CUX2: variants seen among roughly 807,000 people sequenced by gnomAD.
The protein encoded by CUX2 is homeobox protein cut-like 2.
CUX2 carries 40 observed loss-of-function variants against 144.8 expected under a neutral mutation model. That is an observed-to-expected ratio of 0.28 (90% CI 0.21 to 0.36). The LOEUF is 0.36. CUX2 is among the 10% of genes least tolerant of loss of function. The pLI, the probability that CUX2 is intolerant of heterozygous loss-of-function variation, is 1.00. For missense variants in CUX2, 1,615 were observed against 1,994.0 expected, an observed-to-expected ratio of 0.81 and a Z score of 3.62; for synonymous variants, 827 against 875.6, an observed-to-expected ratio of 0.94 and a Z score of 0.98.
chr12:111,333,263 G>A (rs1316420425), intron 18 of CUX2, among the ~76,000 whole-genome samples: 1 of 151,796 alleles, frequency 6.6e-6, no homozygotes, highest in African/African-American at 2.4e-5. Context: ...GCACACCTGT[G>A]GTCCGAGCTG....
At chr12:111,182,456 T>C (rs1339578024) in intron 1 of CUX2, among the ~76,000 whole-genome samples, 4 of 152,236 alleles carry the variant, frequency 2.6e-5, no homozygotes. Context: ...AGTTGATCCG[T>C]CTTCTCAGAG....
At chr12:111,257,664 C>T (rs1158863811) in intron 3 of CUX2, among the ~76,000 whole-genome samples, 1 of 135,066 alleles carries the variant, frequency 7.4e-6, no homozygotes, top group Non-Finnish European at 1.6e-5. Flanking sequence ...CTCCTCCTCC[C>T]TCTTCCCCCC....
chr12:111,101,058 T>G (rs180930538), intron 1 of CUX2, among the ~76,000 whole-genome samples: 1 of 152,336 alleles, frequency 6.6e-6, no homozygotes, highest in East Asian at 1.9e-4. Context: ...CTTCTGTAGC[T>G]TGGGCGATAA....
intron 20 of CUX2, chr12:111,339,740 G>GTGA (rs1489858026): frequency 3.3e-5 from 5 of 152,274 alleles, no homozygotes; most frequent in African/African-American, 1.2e-4. Flanking sequence ...GGCAGGTCGT[G>GTGA]TGATGACCCA....
rs572243422 is a variant in CUX2, at chr12:111,293,400, G to A, written c.437-46G>A. 75 of 1,571,178 alleles carry A rather than the reference G, an allele frequency of 4.8e-5. No homozygotes were observed. Among genetic ancestry groups the A allele is most frequent in the Non-Finnish European group, 6.0e-5 (70 of 1,159,924 alleles). Reference sequence around the variant, plus strand: ...TACAGAAAGCGGCTCTGGCTGCCACGTTGCTCTCTTGGCAATGGGGGTTTT... The same window carrying A: ...TACAGAAAGCGGCTCTGGCTGCCACATTGCTCTCTTGGCAATGGGGGTTTT... On this transcript the variant is annotated intron_variant, in intron 5 of 21. Coordinates refer to ENST00000261726, the MANE Select transcript of CUX2 (RefSeq NM_015267.4). This position sits in a 1 kb window ranked among gnomAD's most constrained non-coding sequence, Gnocchi z 4.5.
In CUX2 at chr12:111,320,724, C is replaced by A. The variant is rs760421808; in HGVS notation, c.2715C>A (p.Val905=). Reference sequence around the variant, plus strand: ...ACACGCTGGAGCTCACCCGCCAGGTCAAGGAGAAGCTGGCCAAGAACGGCA... The same window carrying A: ...ACACGCTGGAGCTCACCCGCCAGGTAAAGGAGAAGCTGGCCAAGAACGGCA... ...EVDTLELTRQ[V]KEKLAKNGIC... Residue 905 remains valine (V), a synonymous_variant, in exon 17 of 22, where the codon GTC becomes GTA. Transcript: ENST00000261726. This position sits in a 1 kb window ranked among gnomAD's most constrained non-coding sequence, Gnocchi z 8.1. The A allele has an allele frequency of 6.3e-7, 1 of 1,586,300 alleles. No homozygotes were observed. The highest frequency in any genetic ancestry group is 8.5e-7 in the Non-Finnish European group (1 of 1,173,824).
intron 1 of CUX2, among the ~76,000 whole-genome samples, chr12:111,136,029 G>A (rs898279105): frequency 6.6e-5 from 10 of 152,112 alleles, no homozygotes; most frequent in Non-Finnish European, 8.8e-5. Context: ...TGCGGGGCCC[G>A]GGTGAGGACT....
Position 111,322,556 on chromosome 12 carries a change from G to A in CUX2, c.2902G>A (p.Gly968Ser). Reference sequence around the variant, plus strand: ...CTCTGACCAGCTCGGCCAGGCAGTGGGCCAGCAGCCTGGTGCCTCCCAGGG... The same window carrying A: ...CTCTGACCAGCTCGGCCAGGCAGTGAGCCAGCAGCCTGGTGCCTCCCAGGG... ...WLSDQLGQAV[G>S]QQPGASQASP... The change falls in exon 18 of 22, where the codon GGC (glycine) becomes AGC (serine). Residue 968 changes from glycine (G) to serine (S), a missense_variant. Coordinates refer to ENST00000261726, the MANE Select transcript of CUX2 (RefSeq NM_015267.4). The surrounding 1 kb of genome is among the most constrained non-coding windows in gnomAD (Gnocchi z 4.2). 6.2e-7 allele frequency: 1 copy of A among 1,609,740 alleles called. No individual in the cohort carries two copies. Among genetic ancestry groups the A allele is most frequent in the Non-Finnish European group, 8.5e-7 (1 of 1,179,646 alleles).
chr12:111,073,803 A>T (rs1449528978), intron 1 of CUX2, among the ~76,000 whole-genome samples: 1 of 151,896 alleles, frequency 6.6e-6, no homozygotes, highest in African/African-American at 2.4e-5. Context: ...CTATGAGAAA[A>T]TTTAAAAATT....
chr12:111,074,041 T>C (rs1871384736), intron 1 of CUX2, among the ~76,000 whole-genome samples: 1 of 147,592 alleles, frequency 6.8e-6, no homozygotes, highest in Admixed American at 6.7e-5. Context: ...ATACTTATAC[T>C]AAAAAAAAAA....
chr12:111,296,572 C>T lies in CUX2; in HGVS notation c.704+33C>T, dbSNP rs760320416. 1.1e-5 allele frequency: 17 copies of T among 1,585,126 alleles called. No homozygotes were observed. The South Asian group carries it at 1.9e-4, about 18-fold the overall frequency. The stretch of plus-strand genomic sequence containing the variant: ...AGCCCTGCTGAGGTGTACCTCCTCC[C>T]TTGGAGGCCTCCCAGACAGGCCTCC... On this transcript the variant is annotated intron_variant, in intron 8 of 21. Coordinates refer to ENST00000261726, the MANE Select transcript of CUX2 (RefSeq NM_015267.4).
intron 1 of CUX2, among the ~76,000 whole-genome samples, chr12:111,040,194 G>A (rs560606062): frequency 2.0e-5 from 3 of 152,058 alleles, no homozygotes; most frequent in African/African-American, 7.2e-5. Flanking sequence ...GGCTGAGGTG[G>A]GAGGATTGCT....
At chr12:111,071,133 T>TA (rs1232575758) in intron 1 of CUX2, among the ~76,000 whole-genome samples, 1 of 150,496 alleles carries the variant, frequency 6.6e-6, no homozygotes, top group Non-Finnish European at 1.5e-5. Context: ...TTTGGGTAAA[T>TA]ATGAAGGAAC....
At chr12:111,299,625 C>G (rs1027374240) in intron 9 of CUX2, among the ~76,000 whole-genome samples, 3 of 152,192 alleles carry the variant, frequency 2.0e-5, no homozygotes, top group African/African-American at 4.8e-5. Context: ...CTTCCCTGAG[C>G]TTAGGTCCAG....
chr12:111,120,808 G>C (rs748367978), intron 1 of CUX2, among the ~76,000 whole-genome samples: 4 of 152,148 alleles, frequency 2.6e-5, no homozygotes, highest in African/African-American at 9.7e-5. Context: ...TGCGGGAAAC[G>C]TGTTTGTGCT....
At chr12:111,316,680 G>A (rs947690767) in intron 16 of CUX2, among the ~76,000 whole-genome samples, 3 of 151,566 alleles carry the variant, frequency 2.0e-5, no homozygotes, top group Admixed American at 6.6e-5. Context: ...AAATTCCTGA[G>A]GTCAAGTGAT....
At chr12:111,108,925 GA>G (rs1326489036) in intron 1 of CUX2, among the ~76,000 whole-genome samples, 1 of 152,182 alleles carries the variant, frequency 6.6e-6, no homozygotes, top group Non-Finnish European at 1.5e-5. Context: ...GGCTTGATCA[GA>G]TGCCAGATTG....
chr12:111,151,650 G>A (rs1267869061), intron 1 of CUX2, among the ~76,000 whole-genome samples: 1 of 152,098 alleles, frequency 6.6e-6, no homozygotes, highest in East Asian at 1.9e-4. Context: ...ACTTAGGGGC[G>A]GTGGACTGTG....
rs1233530851 is a variant in CUX2 at position 111,034,464 on chromosome 12, T to C, written c.63+224T>C. On this transcript the variant is annotated intron_variant, in intron 1 of 21. Coordinates refer to ENST00000261726, the MANE Select transcript of CUX2 (RefSeq NM_015267.4). The surrounding 1 kb of genome is among the most constrained non-coding windows in gnomAD (Gnocchi z 4.2). ...AGTCATCGATTAGCTGCCGCGACCA[T>C]GGAGAAGCGCTAGTGAGCCCTCGGT... is the stretch of plus-strand genomic sequence containing the variant. Among the ~76,000 whole-genome samples, 1 of 151,396 alleles carries C rather than the reference T, an allele frequency of 6.6e-6. No individual in the cohort carries two copies. Among genetic ancestry groups the C allele is most frequent in the Non-Finnish European group, 1.5e-5 (1 of 67,802 alleles).
Sources: allele counts gnomAD v4.1 joint callset (sites outside exome capture counted in the v4.1 genomes callset), GRCh38; gene constraint gnomAD v4.1.1; non-coding constraint Gnocchi (gnomAD v3.1); transcripts MANE v1.5; gene names NCBI Gene and HGNC (gene_info 2026-07-23, HGNC 2026-07-21).